The following ADD3 variants were observed in gnomAD, a reference collection of about 807,000 sequenced individuals.
ADD3 encodes gamma-adducin.
A neutral mutation model predicts 80.2 loss-of-function variants in ADD3; 25 were observed. The observed-to-expected ratio is 0.31, with a 90% CI of 0.23 to 0.44. ADD3 has a LOEUF of 0.44. Ranked by LOEUF, ADD3 falls within the 20% of genes least tolerant of loss-of-function variation. The pLI, the probability that ADD3 is intolerant of heterozygous loss-of-function variation, is 1.00. For missense variants in ADD3, 829 were observed against 847.5 expected (o/e 0.98, Z 0.27); for synonymous variants, 284 against 289.6 (o/e 0.98, Z 0.20).
intron 1 of ADD3, among the ~76,000 whole-genome samples, chr10:110,067,136 A>G (rs528759587): frequency 6.6e-6 from 1 of 152,310 alleles, no homozygotes; most frequent in East Asian, 1.9e-4. Context: ...GAAGATATTA[A>G]TGCTTAGAAA....
At chr10:110,123,108 T>C (rs1851721676) in intron 9 of ADD3, among the ~76,000 whole-genome samples, 1 of 152,236 alleles carries the variant, frequency 6.6e-6, no homozygotes, top group South Asian at 2.1e-4. Flanking sequence ...CACATTTATA[T>C]CCCATCCATC....
chr10:110,011,723 A>C (rs1167188456), intron 1 of ADD3, among the ~76,000 whole-genome samples: 1 of 152,240 alleles, frequency 6.6e-6, no homozygotes, highest in Non-Finnish European at 1.5e-5. Flanking sequence ...CCAATTTAAA[A>C]TTAATTGGAC....
Position 110,056,427 on chromosome 10 carries a change from A to G in ADD3, c.-29-44198A>G, listed in dbSNP as rs202003984. On this transcript the variant is annotated intron_variant, in intron 1 of 14. Coordinates refer to ENST00000356080, the MANE Select transcript of ADD3 (RefSeq NM_016824.5). ...TTGAAAACTAGCAAAGACTAAGACA[A>G]TTAGTATCAACCCCATTTTATATTG... Among the ~76,000 whole-genome samples, 28 of 152,352 alleles carry G rather than the reference A, an allele frequency of 1.8e-4. No individual in the cohort carries two copies. In the East Asian group the frequency reaches 5.2e-3, roughly 28 times the overall value.
chr10:110,071,770 T>C (rs909732990), intron 1 of ADD3, among the ~76,000 whole-genome samples: 7 of 152,232 alleles, frequency 4.6e-5, no homozygotes, highest in African/African-American at 1.4e-4. Flanking sequence ...CTCACTAGTT[T>C]GGTGAATTTT....
intron 1 of ADD3, among the ~76,000 whole-genome samples, chr10:110,043,195 G>T (rs574630051): frequency 6.1e-4 from 93 of 152,192 alleles, no homozygotes; most frequent in Admixed American, 2.6e-4. Flanking sequence ...CATTTGAACG[G>T]CTTGGCCTTT....
At chr10:110,039,207 G>A (rs1398823887) in intron 1 of ADD3, among the ~76,000 whole-genome samples, 1 of 151,622 alleles carries the variant, frequency 6.6e-6, no homozygotes, top group Non-Finnish European at 1.5e-5. Flanking sequence ...GAGTAATCAT[G>A]TTGTTGCTTG....
chr10:110,084,818 T>C (rs1343276186), intron 1 of ADD3, among the ~76,000 whole-genome samples: 1 of 152,216 alleles, frequency 6.6e-6, no homozygotes, highest in African/African-American at 2.4e-5. Context: ...AACAAACGTA[T>C]GAAAGTTATT....
intron 12 of ADD3, among the ~76,000 whole-genome samples, chr10:110,129,962 C>T (rs1033919296): frequency 6.6e-6 from 1 of 152,090 alleles, no homozygotes; most frequent in East Asian, 1.9e-4. Flanking sequence ...AGCTTATTTT[C>T]GTAACAGATT....
At chr10:110,058,104 G>A (rs1858428439) in intron 1 of ADD3, among the ~76,000 whole-genome samples, 1 of 106,966 alleles carries the variant, frequency 9.3e-6, no homozygotes, top group African/African-American at 2.6e-5. Context: ...TTTATCTCCT[G>A]AAGATTTTTT....
chr10:110,113,028 A>C, intron 3 of ADD3, 113 bp downstream of exon 3: 3 of 1,141,156 alleles, frequency 2.6e-6, no homozygotes, highest in Non-Finnish European at 3.8e-6. Context: ...TATAACATCT[A>C]ATACTTAGAG....
At chr10:110,074,537 T>C (rs968348273) in intron 1 of ADD3, among the ~76,000 whole-genome samples, 4 of 152,080 alleles carry the variant, frequency 2.6e-5, no homozygotes, top group African/African-American at 9.7e-5. Flanking sequence ...GGGAAGGCCC[T>C]TAGGACAATG....
At chr10:110,030,531 G>A (rs1854882112) in intron 1 of ADD3, among the ~76,000 whole-genome samples, 1 of 151,196 alleles carries the variant, frequency 6.6e-6, no homozygotes. Context: ...GATTTTAGGT[G>A]GCATGGATCT....
intron 13 of ADD3, among the ~76,000 whole-genome samples, chr10:110,131,967 C>G (rs1290678649): frequency 6.6e-6 from 1 of 152,094 alleles, no homozygotes; most frequent in Admixed American, 6.5e-5. Flanking sequence ...ATTGGTGAGG[C>G]TTTATAATTT....
chr10:110,010,613 TG>T (rs1457238463), intron 1 of ADD3, among the ~76,000 whole-genome samples: 9 of 152,240 alleles, frequency 5.9e-5, no homozygotes, highest in Non-Finnish European at 1.2e-4. Context: ...AGCAAATATT[TG>T]TAATAGCCAA....
intron 1 of ADD3, among the ~76,000 whole-genome samples, chr10:110,018,672 G>A (rs561718961): frequency 2.0e-5 from 3 of 152,222 alleles, no homozygotes; most frequent in Non-Finnish European, 2.9e-5. Context: ...ATTACTGTCC[G>A]TGAAAATGAT....
rs143831762 is a variant in ADD3, at chr10:110,119,708, T to C, written c.960+144T>C. Reference sequence around the variant, plus strand: ...TGCTCTACTTATGTAGGCAGGGTTTTCAACTCAGTTATCTCTTGAATTGAA... The same window carrying C: ...TGCTCTACTTATGTAGGCAGGGTTTCCAACTCAGTTATCTCTTGAATTGAA... On this transcript the variant is annotated intron_variant, in intron 8 of 14. Coordinates refer to ENST00000356080, the MANE Select transcript of ADD3 (RefSeq NM_016824.5). 2.7e-4 allele frequency: 175 copies of C among 642,566 alleles called. No individual in the cohort carries two copies. The African/African-American group carries it at 2.8e-3, about 10-fold the overall frequency. 39.8% of individuals were successfully genotyped at this position (642,566 alleles called of 1,614,324 possible). A position where few individuals can be genotyped will look rare whatever the true frequency, so the allele number is the denominator to read the frequency against.
At chr10:110,101,039 A>G (rs1173640999) in intron 2 of ADD3, among the ~76,000 whole-genome samples, 191 bp downstream of exon 2, 3 of 152,168 alleles carry the variant, frequency 2.0e-5, no homozygotes, top group African/African-American at 7.2e-5. Context: ...CTTAATGACA[A>G]CCTAGTATTG....
At chr10:110,016,254 C>G (rs953466656) in intron 1 of ADD3, among the ~76,000 whole-genome samples, 8 of 152,174 alleles carry the variant, frequency 5.3e-5, no homozygotes, top group Non-Finnish European at 1.0e-4. Flanking sequence ...CAGAACTCAG[C>G]CAGTTCCTGG....
intron 1 of ADD3, among the ~76,000 whole-genome samples, chr10:110,032,559 TACTA>T (rs1488482454): frequency 6.6e-6 from 1 of 152,210 alleles, no homozygotes; most frequent in African/African-American, 2.4e-5. Flanking sequence ...GTATTTATAA[TACTA>T]AGAGCTATGT....
Sources: allele counts gnomAD v4.1 joint callset (sites outside exome capture counted in the v4.1 genomes callset), GRCh38; gene constraint gnomAD v4.1.1; transcripts MANE v1.5; gene names NCBI Gene and HGNC (gene_info 2026-07-23, HGNC 2026-07-21).